ZNF831: variants seen among roughly 807,000 people sequenced by gnomAD.
ZNF831 encodes zinc finger protein 831.
ZNF831 carries 59 observed loss-of-function variants against 95.8 expected under a neutral mutation model. The ratio of observed to expected loss-of-function variants is 0.62; its 90% CI spans 0.50 to 0.77. The LOEUF (loss-of-function observed/expected upper bound fraction) is 0.77. ZNF831 is among the 30% of genes least tolerant of loss of function. The pLI, the probability that ZNF831 is intolerant of heterozygous loss-of-function variation, is 0.00. For missense variants in ZNF831, 2,205 were observed against 2,164.0 expected (o/e 1.02, Z -0.38); for synonymous variants, 961 against 925.5 (o/e 1.04, Z -0.70).
intron 1 of ZNF831, among the ~76,000 whole-genome samples, chr20:59,190,260 C>T (rs929511115): frequency 3.9e-5 from 6 of 152,200 alleles, no homozygotes; most frequent in African/African-American, 7.2e-5. Context: ...AGATAAGCAG[C>T]GCTCAGTGTT....
At chr20:59,200,576 A>G (rs1984457123) in intron 3 of ZNF831, among the ~76,000 whole-genome samples, 1 of 152,188 alleles carries the variant, frequency 6.6e-6, no homozygotes, top group Non-Finnish European at 1.5e-5. Flanking sequence ...GATCATGAAC[A>G]TATCTGTCAA....
intron 4 of ZNF831, among the ~76,000 whole-genome samples, chr20:59,231,682 G>A (rs574469114): frequency 5.5e-4 from 83 of 152,126 alleles, no homozygotes; most frequent in African/African-American, 1.7e-3. Context: ...AATTTCTTCC[G>A]CTTTCAAACA....
At chr20:59,175,218 A>G (rs1254395440) in intron 1 of ZNF831, among the ~76,000 whole-genome samples, 1 of 82,220 alleles carries the variant, frequency 1.2e-5, no homozygotes, top group African/African-American at 5.0e-5. Flanking sequence ...CTTTGGGTTT[A>G]TCCTGGTGGT....
In ZNF831 at chr20:59,254,077, A is replaced by G. The variant is rs1429831751; in HGVS notation, c.4368A>G (p.Ser1456=). 6.2e-7 allele frequency: 1 copy of G among 1,613,994 alleles called. No homozygotes were observed. The highest frequency in any genetic ancestry group is 8.5e-7 in the Non-Finnish European group (1 of 1,180,028). Residue 1456 remains serine, a synonymous_variant, in exon 6 of 6, where the codon TCA becomes TCG. Transcript: ENST00000371030. The surrounding 1 kb of genome is among the most constrained non-coding windows in gnomAD (Gnocchi z 4.5). ...CTCAGCTGCTGGCCTCCCAGGATTC[A>G]GTCTCAACAGATCCCAAACCATACA... The part of the protein sequence containing the change: ...LETQLLASQD[S]VSTDPKPYIF...
chr20:59,246,223 C>G (rs1464163460), intron 4 of ZNF831, among the ~76,000 whole-genome samples: 4 of 151,938 alleles, frequency 2.6e-5, no homozygotes, highest in Non-Finnish European at 2.9e-5. Context: ...TGTGCCTTCA[C>G]TCTCCTTCTC....
chr20:59,195,726 G>T, intron 2 of ZNF831, 143 bp from the exon 3 acceptor site: 1 of 1,470,706 alleles, frequency 6.8e-7, no homozygotes, highest in Non-Finnish European at 9.0e-7. Context: ...GAACTTCTCA[G>T]GGGCTCAGCC....
At chr20:59,211,274 G>A (rs1375006628) in intron 4 of ZNF831, among the ~76,000 whole-genome samples, 2 of 152,140 alleles carry the variant, frequency 1.3e-5, no homozygotes, top group Admixed American at 1.3e-4. Context: ...TGAACCAGGG[G>A]CCTAGGTCCC....
chr20:59,180,791 T>C (rs1166694552), intron 1 of ZNF831, among the ~76,000 whole-genome samples: 1 of 152,234 alleles, frequency 6.6e-6, no homozygotes, highest in Non-Finnish European at 1.5e-5. Flanking sequence ...GCATTTGGGT[T>C]GGTTCCAAGT....
At chr20:59,210,977 G>A (rs1985274626) in intron 4 of ZNF831, among the ~76,000 whole-genome samples, 1 of 81,460 alleles carries the variant, frequency 1.2e-5, no homozygotes, top group Non-Finnish European at 2.3e-5. Context: ...AGCTTGCAGT[G>A]AGCCGAGATT....
chr20:59,134,929 C>G (rs1441058730), intron 1 of ZNF831, among the ~76,000 whole-genome samples: 1 of 152,130 alleles, frequency 6.6e-6, no homozygotes, highest in African/African-American at 2.4e-5. Context: ...CCATGCATGA[C>G]AGGTATCCAC....
rs981161065 is a variant in ZNF831 at position 59,194,825 on chromosome 20, T to C, written c.3738+68T>C. The C allele has an allele frequency of 4.1e-6, 6 of 1,473,074 alleles. No individual in the cohort carries two copies. The African/African-American group carries it at 8.5e-5, about 21-fold the overall frequency. The allele number at this position is 1,473,074 out of a possible 1,614,324, so 91.3% of individuals were successfully genotyped here. On this transcript the variant is annotated intron_variant, in intron 2 of 5. Transcript: ENST00000371030. ...TGTTGTTATCCCGTAAGACCTCTCATGAGGGAAGGAAGTCTGAAGCCGTCC... is the reference window on the plus strand; with the variant it reads ...TGTTGTTATCCCGTAAGACCTCTCACGAGGGAAGGAAGTCTGAAGCCGTCC...
rs766473912 is a variant in ZNF831, at chr20:59,254,764, G to A, written c.*21G>A. 1.3e-6 allele frequency: 2 copies of A among 1,524,964 alleles called. No homozygotes were observed. The highest frequency in any genetic ancestry group is 1.8e-6 in the Non-Finnish European group (2 of 1,141,148). 94.5% of individuals were successfully genotyped at this position (1,524,964 alleles called of 1,614,324 possible). ...TATGAAGCTTCCAGAGAAACATGGT[G>A]TCTGGTCAAAAAGACTGTTGACGCT... On this transcript the variant is annotated 3_prime_UTR_variant, in exon 6 of 6. Transcript: ENST00000371030. This position sits in a 1 kb window ranked among gnomAD's most constrained non-coding sequence, Gnocchi z 4.5.
chr20:59,195,650 C>T (rs2146607690), intron 2 of ZNF831: 1 of 475,756 alleles, frequency 2.1e-6, no homozygotes. Flanking sequence ...AGGCTTTCCT[C>T]TGCGGATCAA....
At chr20:59,135,903 A>G (rs1301065776) in intron 1 of ZNF831, among the ~76,000 whole-genome samples, 1 of 152,116 alleles carries the variant, frequency 6.6e-6, no homozygotes, top group Non-Finnish European at 1.5e-5. Flanking sequence ...GAACCCAGGA[A>G]TTTGAGGCTG....
rs1343460819 is a variant in ZNF831, at chr20:59,191,970, G to T, written c.951G>T (p.Arg317=). 1 of 1,606,536 alleles carries T rather than the reference G, an allele frequency of 6.2e-7. No homozygotes were observed. Among genetic ancestry groups the T allele is most frequent in the Non-Finnish European group, 8.5e-7 (1 of 1,177,334 alleles). Residue 317 remains arginine, a synonymous_variant, in exon 2 of 6, where the codon CGG becomes CGT. Coordinates refer to ENST00000371030, the MANE Select transcript of ZNF831 (RefSeq NM_178457.3). ...PTAGKPCALQ[R]QQATAAEKPW... ...CCGGGAAGCCGTGCGCCCTGCAGCGGCAGCAGGCGACGGCAGCGGAGAAGC... is the reference window on the plus strand; with the variant it reads ...CCGGGAAGCCGTGCGCCCTGCAGCGTCAGCAGGCGACGGCAGCGGAGAAGC...
intron 1 of ZNF831, among the ~76,000 whole-genome samples, chr20:59,125,973 C>A (rs971892740): frequency 2.6e-5 from 4 of 151,374 alleles, no homozygotes; most frequent in African/African-American, 9.7e-5. Context: ...TTATAAACGA[C>A]CCTTGGTGTG....
At chr20:59,249,436 T>C (rs1335343320) in intron 4 of ZNF831, among the ~76,000 whole-genome samples, 1 of 152,228 alleles carries the variant, frequency 6.6e-6, no homozygotes, top group Non-Finnish European at 1.5e-5. Context: ...AGGCGTCTGC[T>C]TCCTTGTCTT....
rs2146586364 is a variant in ZNF831, at chr20:59,193,615, C to A, written c.2596C>A (p.Pro866Thr). Residue 866 changes from proline to threonine, a missense_variant, in exon 2 of 6, where the codon CCA becomes ACA. Transcript: ENST00000371030. ...GCAGGATGCCGATCCCGGGGAGGTG[C>A]CAGGGGGCTCAAAGGAGAGTGCCAG... The part of the protein sequence containing the change: ...QKQDADPGEV[P>T]GGSKESARQV... 6.2e-7 allele frequency: 1 copy of A among 1,612,350 alleles called. No individual in the cohort carries two copies. The highest frequency in any genetic ancestry group is 1.1e-5 in the South Asian group (1 of 91,004).
At chr20:59,147,518 T>C (rs1404288902) in intron 2 of ZNF831, among the ~76,000 whole-genome samples, 1 of 152,246 alleles carries the variant, frequency 6.6e-6, no homozygotes, top group Non-Finnish European at 1.5e-5. Flanking sequence ...TTGCAATTGT[T>C]ATACTTTGTT....
Sources: gnomAD v4.1 joint callset for allele counts (sites outside exome capture counted in the v4.1 genomes callset) on GRCh38, gnomAD v4.1.1 for gene constraint, Gnocchi (gnomAD v3.1) non-coding constraint, MANE v1.5 for transcripts, NCBI Gene and HGNC (gene_info 2026-07-23, HGNC 2026-07-21) for gene names.